Variants in KIR3DL3 observed in about 807,000 individuals in gnomAD.
KIR3DL3 encodes the protein killer cell immunoglobulin-like receptor 3DL3.
Under a neutral mutation model 34.9 loss-of-function variants are expected in KIR3DL3, and 27 were observed. The ratio of observed to expected loss-of-function variants is 0.77; its 90% CI spans 0.57 to 1.07. The LOEUF (loss-of-function observed/expected upper bound fraction) is 1.07, where lower values mean the gene tolerates loss of function less well. KIR3DL3 is among the 50% of genes least tolerant of loss of function. The pLI is 0.00. For missense variants in KIR3DL3, 681 were observed against 528.5 expected (o/e 1.29, Z -2.83); for synonymous variants, 217 against 200.2 (o/e 1.08, Z -0.71).
chr19:54,724,982 C>G (rs1301445119), intron 1 of KIR3DL3, among the ~76,000 whole-genome samples: 2 of 109,594 alleles, frequency 1.8e-5, no homozygotes, highest in Admixed American at 1.0e-4. Flanking sequence ...AATGGAGACA[C>G]GGGCCTGGAG....
chr19:54,727,575 G>A, intron 3 of KIR3DL3, 36 bp from the exon 4 acceptor site: 1 of 1,589,070 alleles, frequency 6.3e-7, no homozygotes, highest in Non-Finnish European at 8.6e-7. Flanking sequence ...GATGAGAAAG[G>A]GAGACGCCTT....
In KIR3DL3 at chr19:54,736,232, C is replaced by T. The variant is rs1365797909; in HGVS notation, c.*136C>T. ...CGGGTTGCCAGCTCCCATGTACCAG[C>T]AGCTGGACTCTGAAGGCGTGAGTCT... On this transcript the variant is annotated 3_prime_UTR_variant, in exon 8 of 8. Transcript: ENST00000291860. 4.3e-6 allele frequency: 5 copies of T among 1,175,440 alleles called. No individual in the cohort carries two copies. In the Admixed American group the frequency reaches 7.1e-5, roughly 17 times the overall value. 72.8% of individuals were successfully genotyped at this position (1,175,440 alleles called of 1,614,324 possible). A position where few individuals can be genotyped will look rare whatever the true frequency, so the allele number is the denominator to read the frequency against.
At chr19:54,728,786 A>G (rs1329132481) in intron 4 of KIR3DL3, among the ~76,000 whole-genome samples, 1 of 149,990 alleles carries the variant, frequency 6.7e-6, no homozygotes, top group Non-Finnish European at 1.5e-5. Flanking sequence ...CCAAAAGGGA[A>G]CTAGAGAGAC....
chr19:54,733,349 T>C (rs2069044413), intron 5 of KIR3DL3, among the ~76,000 whole-genome samples: 1 of 152,076 alleles, frequency 6.6e-6, no homozygotes, highest in Admixed American at 6.5e-5. Context: ...CTGGCCAACA[T>C]GGTGAAACCC....
At chr19:54,724,578 T>C (rs1163227135) in intron 1 of KIR3DL3, 48 bp downstream of exon 1, 27 of 832,376 alleles carry the variant, frequency 3.2e-5, no homozygotes, top group Non-Finnish European at 4.4e-5. Context: ...GGTGGAGATC[T>C]GGGCCTGGAG....
chr19:54,735,989 C>A lies in KIR3DL3; in HGVS notation c.1126C>A (p.Pro376Thr). 1.2e-6 allele frequency: 2 copies of A among 1,613,300 alleles called. No homozygotes were observed. Among genetic ancestry groups the A allele is most frequent in the Non-Finnish European group, 1.7e-6 (2 of 1,179,906 alleles). ...CCTCCAGGACTCTGATGAACAAGAC[C>A]CTCAGGAGGTGACATACGCACAGTT... ...VNREDSDEQD[P>T]QEVTYAQLNH... The change falls in exon 8 of 8, where the codon CCT becomes ACT. Residue 376 changes from proline (P) to threonine (T), a missense_variant. Pro to Thr is a conservative substitution (Grantham distance 38). Coordinates refer to ENST00000291860, the MANE Select transcript of KIR3DL3 (RefSeq NM_153443.5).
rs1348051915 is a variant in KIR3DL3, at chr19:54,726,072, C to T, written c.90C>T (p.Phe30=). 2 of 1,612,158 alleles carry T rather than the reference C, an allele frequency of 1.2e-6. No homozygotes were observed. Among genetic ancestry groups the T allele is most frequent in the African/African-American group, 2.7e-5 (2 of 74,652 alleles). Residue 30 remains phenylalanine (F), a synonymous_variant, in exon 3 of 8, where the codon TTC becomes TTT. Transcript: ENST00000291860. ...WPHVGGQDKP[F]LSAWPGTVVS... ...CCCCAGGTGGTCAGGACAAGCCCTT[C>T]CTCTCTGCCTGGCCCGGCACTGTGG...
intron 5 of KIR3DL3, among the ~76,000 whole-genome samples, chr19:54,735,026 A>G (rs554291646): frequency 7.0e-6 from 1 of 142,226 alleles, no homozygotes; most frequent in African/African-American, 2.7e-5. Flanking sequence ...TTACATTTCA[A>G]TGTGAGGTTT....
chr19:54,727,723 CAG>C lies in KIR3DL3; in HGVS notation c.473_474del (p.Glu158GlyfsTer4), dbSNP rs765582832. The stretch of plus-strand genomic sequence containing the variant: ...TCAGGTTTGAGCGCTTCCTTCTGCA[CAG>C]AGAGGGGATCACTGAGGACCCCTTG... ...DVRFERFLLH[R>X]EGITEDPLRL... is the part of the protein sequence containing the mutation. On this transcript the variant is annotated frameshift_variant, in exon 4 of 8. Coordinates refer to ENST00000291860, the MANE Select transcript of KIR3DL3 (RefSeq NM_153443.5). LOFTEE classifies it high-confidence loss of function. The C allele has an allele frequency of 3.7e-6, 6 of 1,612,990 alleles. No homozygotes were observed. The highest frequency in any genetic ancestry group is 4.2e-6 in the Non-Finnish European group (5 of 1,179,792).
chr19:54,729,860 G>A, intron 5 of KIR3DL3, 74 bp downstream of exon 5: 1 of 1,446,868 alleles, frequency 6.9e-7, no homozygotes. Context: ...GCTGATGATG[G>A]AGAGAAGCAT....
At chr19:54,735,570 T>C (rs1280583753) in intron 6 of KIR3DL3, among the ~76,000 whole-genome samples, 1 of 132,066 alleles carries the variant, frequency 7.6e-6, no homozygotes, top group Middle Eastern at 3.6e-3. Flanking sequence ...TCACATCCCC[T>C]GCAGCCACTC....
chr19:54,735,323 C>G lies in KIR3DL3; in HGVS notation c.1020C>G (p.Phe340Leu), dbSNP rs376761152. ...TCATCCCCTTTGCTATCCTCCTCTT[C>G]TTTCTCCTTCATCGCTGGTGTGCCA... ...VVIIPFAILLFFLLHRWCANK... is the reference protein window; with the variant it reads ...VVIIPFAILLLFLLHRWCANK... Residue 340 changes from phenylalanine to leucine, a missense_variant, in exon 6 of 8, where the codon TTC (phenylalanine) becomes TTG (leucine). By Grantham distance (22) the Phe-to-Leu change is conservative. Coordinates refer to ENST00000291860, the MANE Select transcript of KIR3DL3 (RefSeq NM_153443.5). 2.0e-6 allele frequency: 3 copies of G among 1,476,866 alleles called. No individual in the cohort carries two copies. Among genetic ancestry groups the G allele is most frequent in the African/African-American group, 2.9e-5 (2 of 69,826 alleles). The allele number at this position is 1,476,866 out of a possible 1,614,324, so 91.5% of individuals were successfully genotyped here.
Position 54,735,878 on chromosome 19 carries a change from T to C in KIR3DL3, c.1107+6T>C. The C allele has an allele frequency of 6.2e-7, 1 of 1,606,012 alleles. No homozygotes were observed. On this transcript the variant is annotated splice_donor_region_variant and intron_variant, in intron 7 of 7. Transcript: ENST00000291860. The stretch of plus-strand genomic sequence containing the variant: ...ACAGAACAGTGAACAGGGAGGTAGG[T>C]GCTCCTCCGCCCAGCCTCGTGGCTA...
rs62132665 is a variant in KIR3DL3 at position 54,727,702 on chromosome 19, G to A, written c.447G>A (p.Arg149=). 13 of 1,612,630 alleles carry A rather than the reference G, an allele frequency of 8.1e-6. No individual in the cohort carries two copies. Among genetic ancestry groups the A allele is most frequent in the Middle Eastern group, 3.3e-4 (2 of 6,084 alleles). ...TCCTGCAATGTTGGTCAGATGTCAGGTTTGAGCGCTTCCTTCTGCACAGAG... is the reference window on the plus strand; with the variant it reads ...TCCTGCAATGTTGGTCAGATGTCAGATTTGAGCGCTTCCTTCTGCACAGAG... ...TVILQCWSDV[R]FERFLLHREG... The change falls in exon 4 of 8, where the codon AGG becomes AGA. Residue 149 remains arginine, a synonymous_variant. Coordinates refer to ENST00000291860, the MANE Select transcript of KIR3DL3 (RefSeq NM_153443.5).
intron 2 of KIR3DL3, 39 bp downstream of exon 2, chr19:54,725,321 A>C: frequency 6.7e-7 from 1 of 1,488,968 alleles, no homozygotes; most frequent in Non-Finnish European, 9.1e-7. Context: ...TCATCTCCCC[A>C]CATAAGATGA....
chr19:54,735,460 C>T, intron 6 of KIR3DL3, 103 bp downstream of exon 6: 1 of 640,148 alleles, frequency 1.6e-6, no homozygotes. Flanking sequence ...GTCCCTGGCC[C>T]AAGGCAGGAG....
At position 54,735,273 on chromosome 19, in the gene KIR3DL3, G is replaced by C. The variant is rs747372989; in HGVS notation, c.970G>C (p.Val324Leu). The change falls in exon 6 of 8, where the codon GTT becomes CTT. Residue 324 changes from valine to leucine, a missense_variant. Coordinates refer to ENST00000291860, the MANE Select transcript of KIR3DL3 (RefSeq NM_153443.5). The stretch of plus-strand genomic sequence containing the variant: ...TCCAGGTAACTCCAGAAACCTGCAC[G>C]TTCTGATTGGGACCTCAGTGGTCAT... ...SVTGNSRNLH[V>L]LIGTSVVIIP... 1 of 1,512,978 alleles carries C rather than the reference G, an allele frequency of 6.6e-7. No homozygotes were observed. Among genetic ancestry groups the C allele is most frequent in the East Asian group, 2.2e-5 (1 of 44,536 alleles). 93.7% of individuals were successfully genotyped at this position (1,512,978 alleles called of 1,614,324 possible).
chr19:54,735,204 A>C, intron 5 of KIR3DL3, 49 bp from the exon 6 acceptor site: 1 of 1,295,936 alleles, frequency 7.7e-7, no homozygotes, highest in Non-Finnish European at 1.1e-6. Flanking sequence ...CAATTCATAT[A>C]GAGGAACTGC....
At chr19:54,725,164 AG>A (rs1322513205) in intron 1 of KIR3DL3, 82 bp from the exon 2 acceptor site, 1 of 654,238 alleles carries the variant, frequency 1.5e-6, no homozygotes, top group African/African-American at 2.6e-5. Flanking sequence ...ATGGGCCTAG[AG>A]GTGGAGATAT....
Sources: gnomAD v4.1 joint callset for allele counts (sites outside exome capture counted in the v4.1 genomes callset) on GRCh38, gnomAD v4.1.1 for gene constraint, MANE v1.5 for transcripts, NCBI Gene and HGNC (gene_info 2026-07-23, HGNC 2026-07-21) for gene names.